ETV3: variants seen among roughly 807,000 people sequenced by gnomAD.
The protein encoded by ETV3 is ETS variant transcription factor 3, also known as ETS translocation variant 3.
ETV3 carries 8 observed loss-of-function variants against 33.0 expected under a neutral mutation model. The observed-to-expected ratio is 0.24, with a 90% CI of 0.14 to 0.44. The LOEUF (loss-of-function observed/expected upper bound fraction) is 0.44. Ranked by LOEUF, ETV3 falls within the 20% of genes least tolerant of loss-of-function variation. The probability of loss-of-function intolerance (pLI) is 1.00; values close to 1 mark genes in which losing one functional copy is unlikely to be tolerated. For missense variants in ETV3, 473 were observed against 652.3 expected, an observed-to-expected ratio of 0.73 and a Z score of 2.99; for synonymous variants, 222 against 238.9, an observed-to-expected ratio of 0.93 and a Z score of 0.65.
intron 1 of ETV3, among the ~76,000 whole-genome samples, chr1:157,136,949 AG>A (rs1675127179): frequency 6.6e-6 from 1 of 152,254 alleles, no homozygotes; most frequent in African/African-American, 2.4e-5. Context: ...CCTGGGATAC[AG>A]GAAGTAAACA....
At position 157,123,362 on chromosome 1, in the gene ETV3, TG is replaced by T. The variant is rs1406594445; in HGVS notation, c.*1478del. 3.3e-5 allele frequency: 5 copies of T among 152,280 alleles called. No individual in the cohort carries two copies. Among genetic ancestry groups the T allele is most frequent in the Admixed American group, 6.5e-5 (1 of 15,294 alleles). 9.4% of individuals were successfully genotyped at this position (152,280 alleles called of 1,614,324 possible). On this transcript the variant is annotated 3_prime_UTR_variant, in exon 5 of 5. Coordinates refer to ENST00000368192, the MANE Select transcript of ETV3 (RefSeq NM_001145312.3). Reference sequence around the variant, plus strand: ...CACTTTCCCATTCCTCTGAAGTTGCTGGAAGGACATTTCCCAGGAAGAAACA... The same window carrying T: ...CACTTTCCCATTCCTCTGAAGTTGCTGAAGGACATTTCCCAGGAAGAAACA...
intron 4 of ETV3, among the ~76,000 whole-genome samples, chr1:157,131,782 G>A (rs1674973929): frequency 6.6e-6 from 1 of 152,162 alleles, no homozygotes; most frequent in Non-Finnish European, 1.5e-5. Flanking sequence ...CCTCCATAAA[G>A]CAGATGTTCA....
intron 4 of ETV3, among the ~76,000 whole-genome samples, chr1:157,129,883 G>A (rs1204401157): frequency 3.3e-5 from 5 of 151,618 alleles, no homozygotes; most frequent in East Asian, 3.9e-4. Flanking sequence ...TCTTGCTGTC[G>A]CCCAGGCTGG....
In ETV3 at chr1:157,134,212, C is replaced by CT; in HGVS notation, c.299dup (p.Arg101GlufsTer5). On this transcript the variant is annotated frameshift_variant, in exon 4 of 5. Transcript: ENST00000368192. LOFTEE classifies it high-confidence loss of function. The stretch of plus-strand genomic sequence containing the variant: ...TCCCTTTTGTTTTATGAAGGATCCT[C>CT]TTGTTGTAATAGTATCTGTAAAAAC... The CT allele has an allele frequency of 6.2e-7, 1 of 1,613,018 alleles. No homozygotes were observed. The highest frequency in any genetic ancestry group is 1.3e-5 in the African/African-American group (1 of 74,980).
chr1:157,127,779 T>G (rs1381300079), intron 4 of ETV3, among the ~76,000 whole-genome samples: 1 of 152,140 alleles, frequency 6.6e-6, no homozygotes, highest in Non-Finnish European at 1.5e-5. Context: ...ACTCCTGGCC[T>G]CAAACGATAA....
chr1:157,132,726 G>C (rs1025694857), intron 4 of ETV3, among the ~76,000 whole-genome samples: 20 of 150,840 alleles, frequency 1.3e-4, no homozygotes, highest in African/African-American at 4.9e-4. Context: ...GTTGTAATTA[G>C]AGAGATGCAT....
chr1:157,124,780 C>G lies in ETV3; in HGVS notation c.*61G>C. 6.1e-6 allele frequency: 1 copy of G among 164,196 alleles called. No homozygotes were observed. The highest frequency in any genetic ancestry group is 1.2e-5 in the Non-Finnish European group (1 of 82,844). The allele number at this position is 164,196 out of a possible 1,614,324, so 10.2% of individuals were successfully genotyped here. On this transcript the variant is annotated 3_prime_UTR_variant, in exon 5 of 5. Transcript: ENST00000368192. ...CCCTCCCCCCCACCCTGAAATCTTG[C>G]TACATAAATACATGTATGTATTTGA...
intron 2 of ETV3, among the ~76,000 whole-genome samples, chr1:157,135,977 C>T (rs1675099571): frequency 6.6e-6 from 1 of 152,184 alleles, no homozygotes; most frequent in Non-Finnish European, 1.5e-5. Flanking sequence ...AATACACCTA[C>T]TTTCTGTGAG....
In ETV3 at chr1:157,135,667, G is replaced by C. The variant is rs1290594127; in HGVS notation, c.88C>G (p.Pro30Ala). The change falls in exon 3 of 5, where the codon CCA (proline) becomes GCA (alanine). Residue 30 changes from proline to alanine, a missense_variant. Physicochemically the swap from Pro to Ala is conservative, Grantham distance 27. Coordinates refer to ENST00000368192, the MANE Select transcript of ETV3 (RefSeq NM_001145312.3). The stretch of plus-strand genomic sequence containing the variant: ...CACAGCTGGATCTGCCGGGAGCCTG[G>C]GGATGACTCTGTTTTGTAGGCCCAG... The part of the protein sequence containing the change: ...PDWAYKTESS[P>A]GSRQIQLWHF... 2.5e-6 allele frequency: 4 copies of C among 1,614,080 alleles called. No homozygotes were observed. The African/African-American group carries it at 5.3e-5, about 22-fold the overall frequency.
At position 157,124,758 on chromosome 1, in the gene ETV3, T is replaced by TCCCCCCC; in HGVS notation, c.*76_*82dup. 1.2e-5 allele frequency: 2 copies of TCCCCCCC among 172,456 alleles called. No individual in the cohort carries two copies. The highest frequency in any genetic ancestry group is 2.3e-5 in the Non-Finnish European group (2 of 87,074). 10.7% of individuals were successfully genotyped at this position (172,456 alleles called of 1,614,324 possible). The stretch of plus-strand genomic sequence containing the variant: ...GAATGATCAAACCAGTTTAACTCCC[T>TCCCCCCC]CCCCCCCACCCTGAAATCTTGCTAC... On this transcript the variant is annotated 3_prime_UTR_variant, in exon 5 of 5. Coordinates refer to ENST00000368192, the MANE Select transcript of ETV3 (RefSeq NM_001145312.3).
rs1200199992 is a variant in ETV3, at chr1:157,124,921, G to A, written c.1459C>T (p.Arg487Ter). The change falls in exon 5 of 5, where the codon CGA becomes TGA. Residue 487 changes from arginine (R) to a stop codon, truncating the protein, a stop_gained. Transcript: ENST00000368192. LOFTEE classifies it high-confidence loss of function. Reference sequence around the variant, plus strand: ...AACTTGCCACTCTTGCTCAGCTCTCGGGCTTCAGGGTCATCATTCCAGCGC... The same window carrying A: ...AACTTGCCACTCTTGCTCAGCTCTCAGGCTTCAGGGTCATCATTCCAGCGC... Reference protein sequence around the residue: ...KRRWNDDPEARELSKSGKFLW... With the variant: ...KRRWNDDPEA 10 of 1,551,526 alleles carry A rather than the reference G, an allele frequency of 6.4e-6. No homozygotes were observed. Among genetic ancestry groups the A allele is most frequent in the South Asian group, 2.4e-5 (2 of 84,056 alleles).
chr1:157,134,286 C>A, intron 3 of ETV3, 59 bp from the exon 4 acceptor site: 1 of 1,565,840 alleles, frequency 6.4e-7, no homozygotes, highest in Non-Finnish European at 8.6e-7. Flanking sequence ...TTTCAATACA[C>A]TTAGGTAGCC....
intron 1 of ETV3, among the ~76,000 whole-genome samples, chr1:157,137,709 T>C (rs1675154648): frequency 6.6e-6 from 1 of 151,868 alleles, no homozygotes; most frequent in Non-Finnish European, 1.5e-5. Context: ...CGCGAGGCCT[T>C]TTACCCTGCC....
At chr1:157,134,375 G>A (rs1274209764) in intron 3 of ETV3, 148 bp from the exon 4 acceptor site, 1 of 1,013,066 alleles carries the variant, frequency 9.9e-7, no homozygotes, top group Non-Finnish European at 1.4e-6. Context: ...CCTCCAGGTA[G>A]ATCTAGGAGA....
chr1:157,125,073 G>C lies in ETV3; in HGVS notation c.1307C>G (p.Pro436Arg). 6.5e-7 allele frequency: 1 copy of C among 1,547,136 alleles called. No homozygotes were observed. Among genetic ancestry groups the C allele is most frequent in the Non-Finnish European group, 8.7e-7 (1 of 1,144,600 alleles). The change falls in exon 5 of 5, where the codon CCC becomes CGC. Residue 436 changes from proline to arginine, a missense_variant. Transcript: ENST00000368192. The surrounding 1 kb of genome is among the most constrained non-coding windows in gnomAD (Gnocchi z 4.0). ...PAAPPIWPSV[P>R]ISTPSGEPLE... ...AGGTTCTCCACTTGGGGTGCTAATG[G>C]GCACAGAGGGCCAGATGGGTGGTGC...
chr1:157,137,380 G>A (rs554710846), intron 1 of ETV3, among the ~76,000 whole-genome samples: 1 of 151,904 alleles, frequency 6.6e-6, no homozygotes, highest in Admixed American at 6.6e-5. Flanking sequence ...CCTAACCTAG[G>A]ATTTCTCTAG....
intron 3 of ETV3, chr1:157,135,209 A>C: frequency 1.7e-6 from 1 of 589,032 alleles, no homozygotes; most frequent in East Asian, 2.8e-5. Flanking sequence ...CGCCCACTAC[A>C]GAGCAGAATC....
chr1:157,125,045 C>G lies in ETV3; in HGVS notation c.1335G>C (p.Leu445=). The change falls in exon 5 of 5, where the codon CTG becomes CTC. Residue 445 remains leucine, a synonymous_variant. Coordinates refer to ENST00000368192, the MANE Select transcript of ETV3 (RefSeq NM_001145312.3). This position sits in a 1 kb window ranked among gnomAD's most constrained non-coding sequence, Gnocchi z 4.0. ...TATCCTCACTGTCTTCAGTCACCTC[C>G]AGAGGTTCTCCACTTGGGGTGCTAA... ...VPISTPSGEP[L]EVTEDSEDRP... 6.5e-7 allele frequency: 1 copy of G among 1,550,294 alleles called. No individual in the cohort carries two copies. Among genetic ancestry groups the G allele is most frequent in the Non-Finnish European group, 8.7e-7 (1 of 1,146,226 alleles).
chr1:157,125,644 G>C lies in ETV3; in HGVS notation c.736C>G (p.Pro246Ala). 1.3e-6 allele frequency: 2 copies of C among 1,551,714 alleles called. No individual in the cohort carries two copies. The highest frequency in any genetic ancestry group is 1.7e-6 in the Non-Finnish European group (2 of 1,147,008). Residue 246 changes from proline to alanine, a missense_variant, in exon 5 of 5, where the codon CCC becomes GCC. Physicochemically the swap from Pro to Ala is conservative, Grantham distance 27 (BLOSUM62 -1). Coordinates refer to ENST00000368192, the MANE Select transcript of ETV3 (RefSeq NM_001145312.3). This position sits in a 1 kb window ranked among gnomAD's most constrained non-coding sequence, Gnocchi z 4.0. ...RPGMYPDPHS[P>A]FAVSPIPGRG... ...CCAGGGATTGGAGAGACAGCGAAGGGACTGTGGGGGTCAGGGTACATCCCT... is the reference window on the plus strand; with the variant it reads ...CCAGGGATTGGAGAGACAGCGAAGGCACTGTGGGGGTCAGGGTACATCCCT...
Sources: gnomAD v4.1 joint callset for allele counts (sites outside exome capture counted in the v4.1 genomes callset) on GRCh38, gnomAD v4.1.1 for gene constraint, Gnocchi (gnomAD v3.1) non-coding constraint, MANE v1.5 for transcripts, NCBI Gene and HGNC (gene_info 2026-07-23, HGNC 2026-07-21) for gene names.